DOCK4: variants seen among roughly 807,000 people sequenced by gnomAD.
DOCK4 encodes the protein dedicator of cytokinesis 4.
DOCK4 carries 97 observed loss-of-function variants against 268.1 expected under a neutral mutation model. The ratio of observed to expected loss-of-function variants is 0.36; its 90% CI spans 0.31 to 0.43. DOCK4 has a LOEUF of 0.43. Among genes scored for constraint, DOCK4 ranks in the 20% least tolerant of loss-of-function variants. The pLI is 1.00. For synonymous variants in DOCK4, 954 were observed against 887.2 expected (o/e 1.08, Z -1.34); for missense variants, 2,145 against 2,455.7 (o/e 0.87, Z 2.67).
chr7:111,807,131 CTTT>C (rs1481078057), intron 30 of DOCK4, among the ~76,000 whole-genome samples: 10 of 152,102 alleles, frequency 6.6e-5, no homozygotes, highest in Non-Finnish European at 1.0e-4. Context: ...ACTGGTCATT[CTTT>C]TTTAACATTC....
At chr7:112,101,954 C>T (rs1000448743) in intron 1 of DOCK4, among the ~76,000 whole-genome samples, 5 of 151,944 alleles carry the variant, frequency 3.3e-5, no homozygotes, top group Non-Finnish European at 7.4e-5. Context: ...GCCATTCTCC[C>T]GCCTCAGCCT....
chr7:111,731,366 T>C (rs1011069374), intron 52 of DOCK4, among the ~76,000 whole-genome samples: 3 of 152,190 alleles, frequency 2.0e-5, no homozygotes, highest in Non-Finnish European at 4.4e-5. Flanking sequence ...CTAATTTGTC[T>C]TTTGCACATT....
intron 23 of DOCK4, among the ~76,000 whole-genome samples, chr7:111,849,545 CTTTA>C (rs1263700258): frequency 6.6e-6 from 1 of 151,988 alleles, no homozygotes; most frequent in Non-Finnish European, 1.5e-5. Flanking sequence ...TTACTTTTTT[CTTTA>C]TTTATTTTGG....
intron 27 of DOCK4, chr7:111,820,578 C>T (rs1801897820): frequency 6.6e-6 from 1 of 152,022 alleles, no homozygotes; most frequent in Non-Finnish European, 1.5e-5. Context: ...TTTGTGTGAC[C>T]ATAAAGTCTT....
intron 8 of DOCK4, among the ~76,000 whole-genome samples, chr7:111,969,220 A>G (rs1485770164): frequency 2.0e-5 from 3 of 151,838 alleles, no homozygotes; most frequent in Non-Finnish European, 4.4e-5. Context: ...TAAAAAAAAA[A>G]AAAATTCACA....
chr7:111,956,776 C>T (rs1478968907), intron 8 of DOCK4, among the ~76,000 whole-genome samples: 1 of 152,130 alleles, frequency 6.6e-6, no homozygotes, highest in Non-Finnish European at 1.5e-5. Flanking sequence ...TCAATATTCT[C>T]ATCTTCAGAG....
intron 1 of DOCK4, among the ~76,000 whole-genome samples, chr7:112,032,370 T>G (rs1031997294): frequency 1.3e-5 from 2 of 152,252 alleles, no homozygotes; most frequent in African/African-American, 4.8e-5. Flanking sequence ...AGTGCATGGC[T>G]ATCAACTACA....
At chr7:112,087,069 A>T (rs528709073) in intron 1 of DOCK4, among the ~76,000 whole-genome samples, 2 of 151,802 alleles carry the variant, frequency 1.3e-5, no homozygotes, top group African/African-American at 4.9e-5. Context: ...TGTGGTGCAG[A>T]CAGGGCAGCT....
chr7:112,178,299 T>C (rs1347787151), intron 1 of DOCK4, among the ~76,000 whole-genome samples: 1 of 152,196 alleles, frequency 6.6e-6, no homozygotes, highest in Non-Finnish European at 1.5e-5. Flanking sequence ...ATGCCTTTCT[T>C]CTTATTCAAT....
intron 51 of DOCK4, among the ~76,000 whole-genome samples, chr7:111,733,199 G>A (rs1795226981): frequency 6.6e-6 from 1 of 152,174 alleles, no homozygotes; most frequent in Non-Finnish European, 1.5e-5. Flanking sequence ...ACTACTGAAA[G>A]GCTGTAAGAA....
intron 28 of DOCK4, among the ~76,000 whole-genome samples, chr7:111,811,442 G>C (rs1281275923): frequency 1.3e-5 from 2 of 152,134 alleles, no homozygotes; most frequent in African/African-American, 2.4e-5. Context: ...TAGATATACA[G>C]AGGGTTCTGC....
chr7:111,944,585 T>C (rs1320457508), intron 10 of DOCK4, among the ~76,000 whole-genome samples: 3 of 152,188 alleles, frequency 2.0e-5, no homozygotes, highest in African/African-American at 7.2e-5. Flanking sequence ...AACTTCTTAA[T>C]TACTTATATT....
At chr7:111,732,153 A>G in intron 52 of DOCK4, 73 bp downstream of exon 52, 5 of 1,442,726 alleles carry the variant, frequency 3.5e-6, no homozygotes, top group Non-Finnish European at 4.8e-6. Flanking sequence ...ACCTTTTGAT[A>G]TATCTGGGAT....
intron 1 of DOCK4, among the ~76,000 whole-genome samples, chr7:112,091,624 C>T (rs912446595): frequency 2.0e-5 from 3 of 152,060 alleles, no homozygotes; most frequent in South Asian, 4.1e-4. Flanking sequence ...GATGCAGAAA[C>T]GGACGCAGAG....
At chr7:111,950,719 A>G (rs1464648012) in intron 8 of DOCK4, among the ~76,000 whole-genome samples, 4 of 152,242 alleles carry the variant, frequency 2.6e-5, no homozygotes, top group East Asian at 3.8e-4. Flanking sequence ...AGATATTTCA[A>G]TCCATGATGC....
chr7:112,087,643 G>A (rs1372248774), intron 1 of DOCK4, among the ~76,000 whole-genome samples: 1 of 151,994 alleles, frequency 6.6e-6, no homozygotes. Context: ...AAAAGATATC[G>A]TTATCTAAAA....
chr7:112,205,475 C>A (rs1028540389), intron 1 of DOCK4, among the ~76,000 whole-genome samples: 4 of 152,098 alleles, frequency 2.6e-5, no homozygotes, highest in Non-Finnish European at 4.4e-5. Flanking sequence ...TTTACCAATG[C>A]CCCCGCCCCG....
At chr7:111,736,824 A>T in intron 50 of DOCK4, 93 bp downstream of exon 50, 1 of 1,097,984 alleles carries the variant, frequency 9.1e-7, no homozygotes, top group Non-Finnish European at 1.4e-6. Context: ...GAGCTAGAGC[A>T]CTGCTTTCCA....
chr7:111,874,954 G>A (rs1003631706), intron 17 of DOCK4, among the ~76,000 whole-genome samples: 2 of 152,156 alleles, frequency 1.3e-5, no homozygotes, highest in East Asian at 3.9e-4. Flanking sequence ...AATAAGATTT[G>A]TATATTTTCC....
Sources: allele counts gnomAD v4.1 joint callset (sites outside exome capture counted in the v4.1 genomes callset), GRCh38; gene constraint gnomAD v4.1.1; transcripts MANE v1.5; gene names NCBI Gene and HGNC (gene_info 2026-07-23, HGNC 2026-07-21).